SOX30: variants seen among roughly 807,000 people sequenced by gnomAD.
SOX30 encodes the protein SRY-box transcription factor 30.
SOX30 carries 17 observed loss-of-function variants against 58.6 expected under a neutral mutation model. That is an observed-to-expected ratio of 0.29 (90% CI 0.20 to 0.44). The LOEUF is 0.44. SOX30 is among the 20% of genes least tolerant of loss of function. SOX30 has a pLI of 1.00. For synonymous variants in SOX30, 421 were observed against 400.2 expected, an observed-to-expected ratio of 1.05 and a Z score of -0.62; for missense variants, 951 against 965.8, an observed-to-expected ratio of 0.98 and a Z score of 0.20.
At chr5:157,649,344 T>C (rs1466310293) in intron 1 of SOX30, among the ~76,000 whole-genome samples, 6 of 152,232 alleles carry the variant, frequency 3.9e-5, no homozygotes, top group Non-Finnish European at 7.3e-5. Flanking sequence ...GGAACTCATC[T>C]ACATGCTGCT....
intron 4 of SOX30, among the ~76,000 whole-genome samples, chr5:157,633,071 CAAAAA>C (rs770151696): frequency 1.3e-5 from 2 of 151,556 alleles, no homozygotes; most frequent in South Asian, 4.2e-4. Context: ...CTCAAAAAAA[CAAAAA>C]AAAGAAAAAT....
intron 2 of SOX30, among the ~76,000 whole-genome samples, chr5:157,666,744 C>A (rs1238033447): frequency 6.6e-6 from 1 of 152,100 alleles, no homozygotes; most frequent in East Asian, 1.9e-4. Flanking sequence ...CTGGCTCTGG[C>A]GCCCAGGCTG....
intron 3 of SOX30, 55 bp from the exon 4 acceptor site, chr5:157,638,777 T>A: frequency 6.6e-7 from 1 of 1,518,538 alleles, no homozygotes; most frequent in Non-Finnish European, 8.8e-7. Context: ...TCCATGTTTT[T>A]CTTCTTTCAG....
At chr5:157,642,196 G>C (rs1011742946) in intron 3 of SOX30, among the ~76,000 whole-genome samples, 1 of 151,740 alleles carries the variant, frequency 6.6e-6, no homozygotes, top group Non-Finnish European at 1.5e-5. Flanking sequence ...CTTGCCTGTA[G>C]TCCCAGCTAT....
Position 157,652,368 on chromosome 5 carries a change from T to A in SOX30, c.-290A>T, listed in dbSNP as rs529089475. The A allele has an allele frequency of 8.7e-7, 1 of 1,151,032 alleles. No homozygotes were observed. The highest frequency in any genetic ancestry group is 1.1e-6 in the Non-Finnish European group (1 of 937,608). The allele number at this position is 1,151,032 out of a possible 1,614,324, so 71.3% of individuals were successfully genotyped here. A position where few individuals can be genotyped will look rare whatever the true frequency, so the allele number is the denominator to read the frequency against. ...CCGCACTTGTTGCACATTTTCGTTC[T>A]GACTCTCTTGTGGAGTTCTCTTACA... On this transcript the variant is annotated 5_prime_UTR_variant, in exon 1 of 5. Transcript: ENST00000265007.
At position 157,648,856 on chromosome 5, in the gene SOX30, A is replaced by C. The variant is rs756152143; in HGVS notation, c.1008T>G (p.His336Gln). 6.2e-7 allele frequency: 1 copy of C among 1,611,214 alleles called. No individual in the cohort carries two copies. The highest frequency in any genetic ancestry group is 8.5e-7 in the Non-Finnish European group (1 of 1,179,586). ...DTPFSKDRNG[H>Q]VKRPMNAFMV... The stretch of plus-strand genomic sequence containing the variant: ...TAAATGCGTTCATGGGTCGCTTCAC[A>C]TGACCATTTCTGTCCTTACTGAAGG... Residue 336 changes from histidine (H) to glutamine (Q), a missense_variant, in exon 2 of 5, where the codon CAT becomes CAG. Physicochemically the swap from His to Gln is conservative, Grantham distance 24. Transcript: ENST00000265007.
intron 3 of SOX30, among the ~76,000 whole-genome samples, chr5:157,639,243 G>A (rs895805602): frequency 1.3e-5 from 2 of 151,942 alleles, no homozygotes; most frequent in Non-Finnish European, 2.9e-5. Flanking sequence ...CCAGACTTTC[G>A]TTTTATACCT....
intron 2 of SOX30, chr5:157,667,679 C>T: frequency 1.5e-6 from 2 of 1,377,878 alleles, no homozygotes; most frequent in Non-Finnish European, 1.9e-6. Flanking sequence ...GCAGAGGCTG[C>T]AGTGACCTGA....
At chr5:157,670,221 A>G (rs552323842) in intron 1 of SOX30, among the ~76,000 whole-genome samples, 83 of 152,328 alleles carry the variant, frequency 5.4e-4, no homozygotes, top group African/African-American at 1.8e-3. Context: ...AGGGTCAGTC[A>G]TTTTCATGCT....
chr5:157,649,323 A>C (rs982535241), intron 1 of SOX30, among the ~76,000 whole-genome samples: 1 of 152,176 alleles, frequency 6.6e-6, no homozygotes, highest in African/African-American at 2.4e-5. Context: ...GAGGTTCTCT[A>C]AACATTCACA....
At chr5:157,661,150 G>A (rs1035313025) in intron 2 of SOX30, among the ~76,000 whole-genome samples, 3 of 152,130 alleles carry the variant, frequency 2.0e-5, no homozygotes, top group Non-Finnish European at 4.4e-5. Flanking sequence ...TGCACTGGCT[G>A]GAACTTTTAG....
rs1759378652 is a variant in SOX30 at position 157,652,337 on chromosome 5, G to T, written c.-259C>A. ...GTCCTCGAATCACCTGCCATGGTAG[G>T]AGCCGCCGCACTTGTTGCACATTTT... On this transcript the variant is annotated 5_prime_UTR_variant, in exon 1 of 5. Transcript: ENST00000265007. The T allele has an allele frequency of 8.3e-7, 1 of 1,200,182 alleles. No individual in the cohort carries two copies. The highest frequency in any genetic ancestry group is 1.0e-6 in the Non-Finnish European group (1 of 968,608). 74.3% of individuals were successfully genotyped at this position (1,200,182 alleles called of 1,614,324 possible). A position where few individuals can be genotyped will look rare whatever the true frequency, so the allele number is the denominator to read the frequency against.
chr5:157,670,633 G>A (rs1021701372), intron 1 of SOX30, among the ~76,000 whole-genome samples: 5 of 152,172 alleles, frequency 3.3e-5, no homozygotes, highest in Admixed American at 3.3e-4. Flanking sequence ...TTAGCTTGAG[G>A]GAGAGGGAGG....
At chr5:157,629,726 A>G (rs1215219082) in intron 4 of SOX30, among the ~76,000 whole-genome samples, 1 of 152,246 alleles carries the variant, frequency 6.6e-6, no homozygotes, top group African/African-American at 2.4e-5. Context: ...AACAACACTC[A>G]GAACGACCCT....
At chr5:157,633,353 A>T (rs1376581407) in intron 4 of SOX30, among the ~76,000 whole-genome samples, 3 of 152,194 alleles carry the variant, frequency 2.0e-5, no homozygotes, top group African/African-American at 7.2e-5. Context: ...ACCCAAGTTT[A>T]TAACCAATGA....
intron 3 of SOX30, among the ~76,000 whole-genome samples, chr5:157,639,988 T>C (rs1759025302): frequency 6.6e-6 from 1 of 152,228 alleles, no homozygotes; most frequent in Non-Finnish European, 1.5e-5. Context: ...AAACAGGATG[T>C]AATGATGCTG....
At chr5:157,637,821 G>A (rs909205735) in intron 4 of SOX30, among the ~76,000 whole-genome samples, 63 of 152,014 alleles carry the variant, frequency 4.1e-4, no homozygotes, top group South Asian at 1.2e-3. Context: ...AGCCTCCTGA[G>A]TAGCTGGGAT....
intron 2 of SOX30, among the ~76,000 whole-genome samples, chr5:157,665,425 A>C (rs549019921): frequency 1.3e-5 from 2 of 152,230 alleles, no homozygotes; most frequent in South Asian, 4.2e-4. Context: ...AGGAAGGGGA[A>C]CATCACACAC....
At chr5:157,656,724 A>G (rs116984776), upstream of SOX30, among the ~76,000 whole-genome samples, 29 of 152,358 alleles carry the variant, frequency 1.9e-4, no homozygotes, top group East Asian at 5.4e-3. Context: ...TTGGTAAAAG[A>G]TCATTAGAAG....
Sources: allele counts gnomAD v4.1 joint callset (sites outside exome capture counted in the v4.1 genomes callset), GRCh38; gene constraint gnomAD v4.1.1; transcripts MANE v1.5; gene names NCBI Gene and HGNC (gene_info 2026-07-23, HGNC 2026-07-21).